The following FANCI variants were observed in gnomAD, a reference collection of about 807,000 sequenced individuals.
The protein encoded by FANCI is FA complementation group I, also known as Fanconi anemia group I protein.
In FANCI, 156 loss-of-function variants were observed where a neutral mutation model predicts 176.1. The ratio of observed to expected loss-of-function variants is 0.89; its 90% CI spans 0.78 to 1.01. The LOEUF (loss-of-function observed/expected upper bound fraction) is 1.01, where lower values mean the gene tolerates loss of function less well. FANCI is among the 50% of genes least tolerant of loss of function. The pLI is 0.00. For synonymous variants in FANCI, 613 were observed against 541.7 expected, an observed-to-expected ratio of 1.13 and a Z score of -1.83; for missense variants, 1,678 against 1,534.1, an observed-to-expected ratio of 1.09 and a Z score of -1.57.
Position 89,291,676 on chromosome 15 carries a change from C to G in FANCI, c.1954C>G (p.Leu652Val), listed in dbSNP as rs1433980751. ...TCCTCTGAAATTAGAAGCTTGTATT[C>G]TGACCCAAGGAGATAAGATCTCTCT... Reference protein sequence around the residue: ...LPPLKLEACILTQGDKISLQE... With the variant: ...LPPLKLEACIVTQGDKISLQE... Residue 652 changes from leucine to valine, a missense_variant, in exon 20 of 38, where the codon CTG becomes GTG. Physicochemically the swap from Leu to Val is conservative, Grantham distance 32. This residue lies in a region of FANCI where 1,204 missense variants were observed against 1,077.4 expected (regional missense o/e 1.12). Coordinates refer to ENST00000310775, the MANE Select transcript of FANCI (RefSeq NM_001113378.2). 6.2e-7 allele frequency: 1 copy of G among 1,613,804 alleles called. No homozygotes were observed.
chr15:89,266,432 G>A (rs528832198), intron 9 of FANCI, among the ~76,000 whole-genome samples: 2 of 151,032 alleles, frequency 1.3e-5, no homozygotes, highest in African/African-American at 4.9e-5. Context: ...GGGTTCAAGC[G>A]ATCCTCCTGC....
At chr15:89,302,680 T>TCTC (rs924786535) in intron 27 of FANCI, among the ~76,000 whole-genome samples, 1 of 151,790 alleles carries the variant, frequency 6.6e-6, no homozygotes, top group Non-Finnish European at 1.5e-5. Context: ...TTCACGCCAT[T>TCTC]CTCCTGCCTC....
rs1475062960 is a variant in FANCI at position 89,299,868 on chromosome 15, A to G, written c.2705A>G (p.Lys902Arg). Residue 902 changes from lysine (K) to arginine (R), a missense_variant, in exon 25 of 38, where the codon AAG becomes AGG. Lys to Arg is a conservative substitution (Grantham distance 26). This residue lies in a region of FANCI where 1,204 missense variants were observed against 1,077.4 expected (regional missense o/e 1.12). Transcript: ENST00000310775. ...VEESGKKEKG[K>R]SISLLCLEGL... ...GAGTCGGGAAAGAAAGAGAAAGGAA[A>G]GAGCATCTCACTGCTGTGCTTGGAG... 9 of 1,614,142 alleles carry G rather than the reference A, an allele frequency of 5.6e-6. No individual in the cohort carries two copies. The highest frequency in any genetic ancestry group is 6.8e-6 in the Non-Finnish European group (8 of 1,179,994).
chr15:89,306,202 T>G lies in FANCI; in HGVS notation c.3537+8T>G, dbSNP rs769457531. 1.2e-6 allele frequency: 2 copies of G among 1,614,002 alleles called. No homozygotes were observed. Among genetic ancestry groups the G allele is most frequent in the Non-Finnish European group, 1.7e-6 (2 of 1,179,938 alleles). On this transcript the variant is annotated splice_region_variant and intron_variant, in intron 32 of 37. Transcript: ENST00000310775. The stretch of plus-strand genomic sequence containing the variant: ...ACAGCCCTTGTCAGATATGTGAGTA[T>G]TTGAGACAAGCAGATTCGCCCCACC...
rs2054769351 is a variant in FANCI, at chr15:89,307,495, G to A, written c.3557G>A (p.Ser1186Asn). The part of the protein sequence containing the change: ...LVRYYLQVCQ[S>N]SGGIPKNMEK... Reference sequence around the variant, plus strand: ...TATTAGTATCTCCAGGTGTGTCAGAGCTCCGGAGGAATTCCAAAAAATATG... The same window carrying A: ...TATTAGTATCTCCAGGTGTGTCAGAACTCCGGAGGAATTCCAAAAAATATG... Residue 1186 changes from serine to asparagine, a missense_variant, in exon 33 of 38, where the codon AGC becomes AAC. Transcript: ENST00000310775. 6.2e-7 allele frequency: 1 copy of A among 1,614,136 alleles called. No individual in the cohort carries two copies. The highest frequency in any genetic ancestry group is 8.5e-7 in the Non-Finnish European group (1 of 1,180,014).
intron 28 of FANCI, 29 bp downstream of exon 28, chr15:89,303,944 G>C (rs1192173896): frequency 1.2e-6 from 2 of 1,607,544 alleles, no homozygotes; most frequent in Non-Finnish European, 1.7e-6. Context: ...TTTCCTAAAG[G>C]CTTTATATAA....
Position 89,285,013 on chromosome 15 carries a change from C to T in FANCI, c.1699-83C>T, listed in dbSNP as rs141644541. On this transcript the variant is annotated intron_variant, in intron 17 of 37. Transcript: ENST00000310775. ...GCATGTGGAGGAAGCTAAGTTTTTT[C>T]GACCAAGAACATAGGCTCATTTAGC... The T allele has an allele frequency of 7.2e-4, 1,141 of 1,591,702 alleles. 4 individuals carry two copies. The African/African-American group carries it at 0.01, about 15-fold the overall frequency.
chr15:89,285,773 C>T (rs1273767354), intron 18 of FANCI, among the ~76,000 whole-genome samples: 1 of 152,090 alleles, frequency 6.6e-6, no homozygotes, highest in Non-Finnish European at 1.5e-5. Context: ...TACTTCCTGC[C>T]TCTCATACAA....
In FANCI at chr15:89,306,172, C is replaced by T. The variant is rs552222011; in HGVS notation, c.3515C>T (p.Thr1172Ile). Residue 1172 changes from threonine (T) to isoleucine (I), a missense_variant, in exon 32 of 38, where the codon ACA (threonine) becomes ATA (isoleucine). Transcript: ENST00000310775. The part of the protein sequence containing the change: ...LLKDLCKMYT[T>I]LTALVRYYLQ... ...AAGGACTTGTGCAAAATGTACACCA[C>T]ACTTACAGCCCTTGTCAGATATGTG... The T allele has an allele frequency of 1.2e-5, 20 of 1,614,194 alleles. No individual in the cohort carries two copies. The East Asian group carries it at 2.7e-4, about 22-fold the overall frequency.
chr15:89,264,700 C>G, intron 9 of FANCI, 93 bp downstream of exon 9: 1 of 1,102,828 alleles, frequency 9.1e-7, no homozygotes, highest in Non-Finnish European at 1.3e-6. Context: ...CTCTCACCGC[C>G]TACCTTCACC....
At chr15:89,260,401 G>C (rs1486492273) in intron 3 of FANCI, among the ~76,000 whole-genome samples, 6 of 152,176 alleles carry the variant, frequency 3.9e-5, no homozygotes, top group Admixed American at 3.9e-4. Flanking sequence ...GCAGAAGTCT[G>C]AAGAAAATAG....
chr15:89,259,993 A>G (rs1041901854), intron 3 of FANCI, among the ~76,000 whole-genome samples: 2 of 152,036 alleles, frequency 1.3e-5, no homozygotes, highest in African/African-American at 4.8e-5. Context: ...TTGGATATAT[A>G]TCTAGGAGTG....
At position 89,274,436 on chromosome 15, in the gene FANCI, C is replaced by A. The variant is rs549451831; in HGVS notation, c.1112+132C>A. 10 of 1,006,974 alleles carry A rather than the reference C, an allele frequency of 9.9e-6. No homozygotes were observed. The Admixed American group carries it at 2.2e-4, about 22-fold the overall frequency. 62.4% of individuals were successfully genotyped at this position (1,006,974 alleles called of 1,614,324 possible). On this transcript the variant is annotated intron_variant, in intron 12 of 37. Coordinates refer to ENST00000310775, the MANE Select transcript of FANCI (RefSeq NM_001113378.2). ...GCTGTTGACGTCACACATCGAGGTT[C>A]ATTTTCTTAAAACTGGTAGAGGATA...
Position 89,268,498 on chromosome 15 carries a change from A to G in FANCI, c.855A>G (p.Leu285=). Residue 285 remains leucine (L), a synonymous_variant, in exon 10 of 38, where the codon CTA becomes CTG. Coordinates refer to ENST00000310775, the MANE Select transcript of FANCI (RefSeq NM_001113378.2). ...IVFAIKLDYE[L]GRELVKHLKV... The stretch of plus-strand genomic sequence containing the variant: ...TTGCCATCAAATTGGACTATGAACT[A>G]GGCAGAGAACTCGTGAAACACTTAA... 6.2e-7 allele frequency: 1 copy of G among 1,614,200 alleles called. No individual in the cohort carries two copies. Among genetic ancestry groups the G allele is most frequent in the Non-Finnish European group, 8.5e-7 (1 of 1,180,030 alleles).
At position 89,306,056 on chromosome 15, in the gene FANCI, TATC is replaced by T; in HGVS notation, c.3405_3407del (p.Ile1135del). Reference sequence around the variant, plus strand: ...TACCAAATCAGCCTGTTGAGAAAGCTATCATCATGCAACTGGGAACTCTGCTTA... The same window carrying T: ...TACCAAATCAGCCTGTTGAGAAAGCTATCATGCAACTGGGAACTCTGCTTA... On this transcript the variant is annotated inframe_deletion, in exon 32 of 38. Coordinates refer to ENST00000310775, the MANE Select transcript of FANCI (RefSeq NM_001113378.2). 2 of 1,614,224 alleles carry T rather than the reference TATC, an allele frequency of 1.2e-6. No individual in the cohort carries two copies. Among genetic ancestry groups the T allele is most frequent in the South Asian group, 2.2e-5 (2 of 91,088 alleles).
In FANCI at chr15:89,264,686, TTC is replaced by T. The variant is rs951126660; in HGVS notation, c.755+86_755+87del. On this transcript the variant is annotated intron_variant, in intron 9 of 37. Transcript: ENST00000310775. ...TGTGTATTTTAGCTATTTCATTTTC[TTC>T]TCTCTCACCGCCTACCTTCACCTCA... 4 of 1,325,868 alleles carry T rather than the reference TTC, an allele frequency of 3.0e-6. No homozygotes were observed. In the African/African-American group the frequency reaches 5.8e-5, roughly 19 times the overall value. The allele number at this position is 1,325,868 out of a possible 1,614,324, so 82.1% of individuals were successfully genotyped here.
At chr15:89,311,243 A>G (rs1352913795) in intron 34 of FANCI, among the ~76,000 whole-genome samples, 1 of 150,788 alleles carries the variant, frequency 6.6e-6, no homozygotes, top group African/African-American at 2.4e-5. Flanking sequence ...TGGGCAACAG[A>G]GCATGACTCT....
chr15:89,307,004 CCTTA>C (rs777532442), intron 32 of FANCI, among the ~76,000 whole-genome samples: 39 of 152,204 alleles, frequency 2.6e-4, no homozygotes, highest in Middle Eastern at 3.4e-3. Context: ...CATACCCTGC[CCTTA>C]CTGTTTATGT....
At chr15:89,303,260 G>T (rs1228998194) in intron 27 of FANCI, among the ~76,000 whole-genome samples, 4 of 152,178 alleles carry the variant, frequency 2.6e-5, no homozygotes, top group Admixed American at 1.3e-4. Flanking sequence ...AAGTATAACG[G>T]CATTTCGGTG....
Sources: allele counts gnomAD v4.1 joint callset (sites outside exome capture counted in the v4.1 genomes callset), GRCh38; gene constraint gnomAD v4.1.1; regional missense constraint gnomAD v4.1.1; transcripts MANE v1.5; gene names NCBI Gene and HGNC (gene_info 2026-07-23, HGNC 2026-07-21).